The following ENOX1 variants were observed in gnomAD, a reference collection of about 807,000 sequenced individuals.
The protein encoded by ENOX1 is ecto-NOX disulfide-thiol exchanger 1, also known as candidate growth-related and time keeping constitutive hydroquinone (NADH) oxidase.
In ENOX1, 42 loss-of-function variants were observed where a neutral mutation model predicts 82.5. That is an observed-to-expected ratio of 0.51 (90% CI 0.40 to 0.66). The LOEUF (loss-of-function observed/expected upper bound fraction) is 0.66. ENOX1 is among the 30% of genes least tolerant of loss of function. ENOX1 has a pLI of 0.00. For synonymous variants in ENOX1, 271 were observed against 282.2 expected (o/e 0.96, Z 0.40); for missense variants, 608 against 811.6 (o/e 0.75, Z 3.05).
intron 2 of ENOX1, among the ~76,000 whole-genome samples, chr13:43,611,181 C>T (rs1479147905): frequency 6.6e-6 from 1 of 152,122 alleles, no homozygotes; most frequent in Non-Finnish European, 1.5e-5. Context: ...CCCATTTATA[C>T]CACTGATGTT....
chr13:43,780,302 G>C (rs1391495349), intron 1 of ENOX1, among the ~76,000 whole-genome samples: 1 of 150,224 alleles, frequency 6.7e-6, no homozygotes, highest in Non-Finnish European at 1.5e-5. Flanking sequence ...AAGTGGTATT[G>C]AAAGGTTCCC....
intron 12 of ENOX1, among the ~76,000 whole-genome samples, chr13:43,276,057 T>A (rs1435972596): frequency 6.6e-6 from 1 of 152,186 alleles, no homozygotes; most frequent in Non-Finnish European, 1.5e-5. Flanking sequence ...TTCAATGTGT[T>A]TTTTACTCTT....
intron 2 of ENOX1, among the ~76,000 whole-genome samples, chr13:43,596,489 T>C (rs947432764): frequency 5.9e-5 from 9 of 152,402 alleles, no homozygotes; most frequent in Non-Finnish European, 7.3e-5. Flanking sequence ...TTATATTTTC[T>C]GGCTTTTAGA....
intron 11 of ENOX1, among the ~76,000 whole-genome samples, chr13:43,314,088 TG>T (rs981994708): frequency 6.6e-6 from 1 of 152,204 alleles, no homozygotes. Context: ...CTGCTAGTGA[TG>T]GGAGTCTAAA....
chr13:43,245,161 C>CT (rs1396164313), intron 14 of ENOX1, among the ~76,000 whole-genome samples: 1 of 152,174 alleles, frequency 6.6e-6, no homozygotes, highest in Non-Finnish European at 1.5e-5. Flanking sequence ...AAACAATGGC[C>CT]TGGAATATTG....
At chr13:43,286,258 T>C (rs901886828) in intron 12 of ENOX1, among the ~76,000 whole-genome samples, 3 of 152,232 alleles carry the variant, frequency 2.0e-5, no homozygotes, top group African/African-American at 7.2e-5. Context: ...GGCCAGTATA[T>C]GTCTGCAGCA....
At chr13:43,665,266 G>A (rs546145216) in intron 2 of ENOX1, among the ~76,000 whole-genome samples, 1 of 152,262 alleles carries the variant, frequency 6.6e-6, no homozygotes, top group South Asian at 2.1e-4. Flanking sequence ...CAGTAGACAT[G>A]GCTAGAAAGC....
intron 3 of ENOX1, among the ~76,000 whole-genome samples, chr13:43,432,628 G>C (rs2055746359): frequency 6.6e-6 from 1 of 152,126 alleles, no homozygotes. Context: ...GGGCAACAGA[G>C]TGAGACTCTG....
chr13:43,470,414 A>ATGTATATATATG, intron 3 of ENOX1, among the ~76,000 whole-genome samples: 2 of 135,678 alleles, frequency 1.5e-5, no homozygotes, highest in Non-Finnish European at 3.2e-5. Flanking sequence ...ATATATATAT[A>ATGTATATATATG]TATAACAGAG....
intron 1 of ENOX1, among the ~76,000 whole-genome samples, chr13:43,744,219 A>G (rs1395471610): frequency 6.6e-6 from 1 of 152,118 alleles, no homozygotes; most frequent in African/African-American, 2.4e-5. Context: ...GTTCCTTTAC[A>G]GTGAAAGTAT....
chr13:43,338,130 T>G (rs1174590960), intron 9 of ENOX1, among the ~76,000 whole-genome samples: 1 of 152,146 alleles, frequency 6.6e-6, no homozygotes, highest in Non-Finnish European at 1.5e-5. Flanking sequence ...TTATTAGATA[T>G]GTGTGTGTTG....
intron 11 of ENOX1, among the ~76,000 whole-genome samples, chr13:43,299,150 G>A (rs769903506): frequency 3.9e-5 from 6 of 152,116 alleles, no homozygotes; most frequent in Non-Finnish European, 8.8e-5. Flanking sequence ...AGGCTGAGTG[G>A]TTACTCTAAT....
intron 1 of ENOX1, among the ~76,000 whole-genome samples, chr13:43,762,712 G>C (rs1483329344): frequency 1.3e-5 from 2 of 152,134 alleles, no homozygotes; most frequent in African/African-American, 4.8e-5. Flanking sequence ...GTGGGAATTA[G>C]GCAAGATATT....
At chr13:43,499,441 T>C (rs1347023910) in intron 2 of ENOX1, among the ~76,000 whole-genome samples, 1 of 151,932 alleles carries the variant, frequency 6.6e-6, no homozygotes, top group Non-Finnish European at 1.5e-5. Flanking sequence ...AGGTTGCCAA[T>C]AGAAAAATTA....
At chr13:43,577,016 AAG>A (rs1305238791) in intron 2 of ENOX1, among the ~76,000 whole-genome samples, 1 of 152,274 alleles carries the variant, frequency 6.6e-6, no homozygotes, top group Non-Finnish European at 1.5e-5. Context: ...CACATTGTGT[AAG>A]GCACTGAAGA....
At chr13:43,360,644 T>C (rs186707638) in intron 6 of ENOX1, among the ~76,000 whole-genome samples, 233 of 151,402 alleles carry the variant, frequency 1.5e-3, no homozygotes, top group African/African-American at 5.3e-3. Flanking sequence ...CTAGTTTATA[T>C]GTAGATTACT....
At chr13:43,367,003 C>G (rs946576170) in intron 5 of ENOX1, among the ~76,000 whole-genome samples, 7 of 152,222 alleles carry the variant, frequency 4.6e-5, no homozygotes, top group Middle Eastern at 3.4e-3. Flanking sequence ...ATAGCAGACA[C>G]ACAATCATAA....
rs144707386 is a variant in ENOX1, at chr13:43,443,864, A to G, written c.-74-30876T>C. On this transcript the variant is annotated intron_variant, in intron 3 of 16. Coordinates refer to ENST00000690772, the MANE Select transcript of ENOX1 (RefSeq NM_001347969.2). ...ACACATGCCAAGTTTTTCAGATTTG[A>G]CTTTTAGAAGCGTTTTACTTCAAAA... Among the ~76,000 whole-genome samples, 26 of 152,340 alleles carry G rather than the reference A, an allele frequency of 1.7e-4. 1 individual carries two copies. In the East Asian group the frequency reaches 4.6e-3, roughly 27 times the overall value.
chr13:43,362,759 A>T (rs576488018), intron 5 of ENOX1, among the ~76,000 whole-genome samples: 17 of 152,236 alleles, frequency 1.1e-4, no homozygotes, highest in Non-Finnish European at 2.4e-4. Flanking sequence ...AAAGGTTTAC[A>T]GATTCCGCCA....
Sources: gnomAD v4.1 joint callset for allele counts (sites outside exome capture counted in the v4.1 genomes callset) on GRCh38, gnomAD v4.1.1 for gene constraint, MANE v1.5 for transcripts, NCBI Gene and HGNC (gene_info 2026-07-23, HGNC 2026-07-21) for gene names.